Variants in ITPR1 observed in about 807,000 individuals in gnomAD.
The protein encoded by ITPR1 is inositol 1,4,5-trisphosphate-gated calcium channel ITPR1.
Under a neutral mutation model 318.4 loss-of-function variants are expected in ITPR1, and 96 were observed. The ratio of observed to expected loss-of-function variants is 0.30; its 90% CI spans 0.26 to 0.36. The LOEUF (loss-of-function observed/expected upper bound fraction) is 0.36, where lower values mean the gene tolerates loss of function less well. Ranked by LOEUF, ITPR1 falls within the 10% of genes least tolerant of loss-of-function variation. The probability of loss-of-function intolerance (pLI) is 1.00; values close to 1 mark genes in which losing one functional copy is unlikely to be tolerated. For synonymous variants in ITPR1, 1,312 were observed against 1,289.9 expected (o/e 1.02, Z -0.37); for missense variants, 2,440 against 3,460.2 (o/e 0.71, Z 7.40).
chr3:4,623,453 G>A (rs1379712934), intron 4 of ITPR1, among the ~76,000 whole-genome samples: 1 of 152,162 alleles, frequency 6.6e-6, no homozygotes, highest in African/African-American at 2.4e-5. Flanking sequence ...GACATTCTTT[G>A]TGGCATTTCT....
chr3:4,565,085 G>C (rs2087088679), intron 4 of ITPR1, among the ~76,000 whole-genome samples: 1 of 152,090 alleles, frequency 6.6e-6, no homozygotes, highest in African/African-American at 2.4e-5. Context: ...ATAACATCTG[G>C]TGTGTACTGA....
At chr3:4,494,290 C>T (rs304074) in intron 1 of ITPR1, 141 bp from the exon 2 acceptor site, 51,216 of 152,362 alleles carry the variant, frequency 0.34, 8,810 homozygotes, top group Admixed American at 0.39. Flanking sequence ...TCCCACCAAC[C>T]TGCCTACCAA....
intron 46 of ITPR1, among the ~76,000 whole-genome samples, chr3:4,771,097 C>T (rs2125380714): frequency 6.6e-6 from 1 of 152,174 alleles, no homozygotes; most frequent in East Asian, 1.9e-4. Flanking sequence ...TTGGAGTCCA[C>T]AGGGGAAGTA....
intron 26 of ITPR1, among the ~76,000 whole-genome samples, chr3:4,681,900 TG>T (rs2094310096): frequency 6.6e-6 from 1 of 152,046 alleles, no homozygotes; most frequent in African/African-American, 2.4e-5. Flanking sequence ...CTAATATTAA[TG>T]TATGAACCCC....
chr3:4,653,757 C>A, intron 11 of ITPR1, 85 bp from the exon 12 acceptor site: 2 of 897,012 alleles, frequency 2.2e-6, no homozygotes, highest in South Asian at 1.5e-5. Context: ...AGGATGTTTG[C>A]AGGCCTTGAA....
chr3:4,657,458 G>A lies in ITPR1; in HGVS notation c.997-666G>A, dbSNP rs116197888. 8.0e-3 allele frequency among the ~76,000 whole-genome samples: 1,151 copies of A among 144,330 alleles called. 11 individuals carry two copies. The highest frequency in any genetic ancestry group is 0.029 in the African/African-American group (1,073 of 36,784). 94.7% of individuals were successfully genotyped at this position (144,330 alleles called of 152,430 possible). ...CGGTCATCTCTTAGTGTAACTGCAC[G>A]TTTTTGAAAGATTTTTTTTTTTTTT... On this transcript the variant is annotated intron_variant, in intron 12 of 61. Coordinates refer to ENST00000649015, the MANE Select transcript of ITPR1 (RefSeq NM_001378452.1).
intron 4 of ITPR1, among the ~76,000 whole-genome samples, chr3:4,602,428 T>G (rs532409182): frequency 2.5e-4 from 38 of 150,128 alleles, no homozygotes; most frequent in African/African-American, 8.8e-4. Context: ...TTCAGGAGAC[T>G]GAGGTGGGAG....
At chr3:4,768,809 T>C in intron 46 of ITPR1, 45 bp downstream of exon 46, 1 of 1,561,880 alleles carries the variant, frequency 6.4e-7, no homozygotes, top group Non-Finnish European at 8.7e-7. Flanking sequence ...CGGGAAAGGC[T>C]GCCAAGGCCT....
At chr3:4,581,935 A>AT (rs1048432368) in intron 4 of ITPR1, among the ~76,000 whole-genome samples, 5 of 147,332 alleles carry the variant, frequency 3.4e-5, no homozygotes, top group East Asian at 2.1e-4. Context: ...TGTGAGTTTT[A>AT]TTTTTTTTTA....
intron 44 of ITPR1, among the ~76,000 whole-genome samples, chr3:4,758,558 T>C (rs1471455116): frequency 6.6e-6 from 1 of 152,206 alleles, no homozygotes; most frequent in African/African-American, 2.4e-5. Context: ...TCCTGAATTC[T>C]GGGAAAGATG....
At chr3:4,601,747 T>C (rs1050535491) in intron 4 of ITPR1, among the ~76,000 whole-genome samples, 12 of 152,212 alleles carry the variant, frequency 7.9e-5, no homozygotes, top group African/African-American at 2.7e-4. Flanking sequence ...CAAAGGATAC[T>C]GTCTAGTGAA....
intron 4 of ITPR1, among the ~76,000 whole-genome samples, chr3:4,594,463 AG>A (rs762968416): frequency 8.5e-5 from 13 of 152,170 alleles, no homozygotes; most frequent in Non-Finnish European, 1.6e-4. Flanking sequence ...TTTTTATCTT[AG>A]GTAAATCAAA....
At chr3:4,804,316 G>A (rs990037096) in intron 54 of ITPR1, among the ~76,000 whole-genome samples, 3 of 152,234 alleles carry the variant, frequency 2.0e-5, no homozygotes, top group African/African-American at 4.8e-5. Context: ...CTGGGAGAGT[G>A]GTGAGCAGGG....
chr3:4,668,030 G>A (rs1392031673), intron 18 of ITPR1, among the ~76,000 whole-genome samples: 1 of 151,704 alleles, frequency 6.6e-6, no homozygotes. Flanking sequence ...TAGAGAATGG[G>A]GTATCCATCC....
intron 44 of ITPR1, among the ~76,000 whole-genome samples, chr3:4,755,775 G>A (rs1281557052): frequency 6.6e-6 from 1 of 152,254 alleles, no homozygotes; most frequent in African/African-American, 2.4e-5. Flanking sequence ...TGGCAGGGTA[G>A]TTGAAACTGG....
intron 36 of ITPR1, among the ~76,000 whole-genome samples, chr3:4,705,084 C>G (rs1489205822): frequency 1.3e-5 from 2 of 151,926 alleles, no homozygotes; most frequent in South Asian, 2.1e-4. Flanking sequence ...ATTCCTCTTT[C>G]AGGATGTTGG....
chr3:4,498,921 G>C (rs1253810378), intron 2 of ITPR1, among the ~76,000 whole-genome samples: 1 of 152,212 alleles, frequency 6.6e-6, no homozygotes, highest in African/African-American at 2.4e-5. Flanking sequence ...CTTCACATCA[G>C]TGATTCTCCT....
intron 4 of ITPR1, among the ~76,000 whole-genome samples, chr3:4,537,909 C>CT (rs1222107112): frequency 2.0e-5 from 3 of 152,026 alleles, no homozygotes; most frequent in South Asian, 4.2e-4. Flanking sequence ...TTTGTGCGTT[C>CT]TTTTTTTTCT....
intron 44 of ITPR1, chr3:4,749,535 A>G (rs995484163): frequency 6.6e-6 from 1 of 152,100 alleles, no homozygotes; most frequent in Admixed American, 6.5e-5. Context: ...TTATCCCCCT[A>G]CCTTCCACTG....
Sources: gnomAD v4.1 joint callset for allele counts (sites outside exome capture counted in the v4.1 genomes callset) on GRCh38, gnomAD v4.1.1 for gene constraint, MANE v1.5 for transcripts, NCBI Gene and HGNC (gene_info 2026-07-23, HGNC 2026-07-21) for gene names.